COL4A6: variants seen among roughly 807,000 people sequenced by gnomAD.
The protein encoded by COL4A6 is collagen type IV alpha 6 chain, also known as collagen alpha-6(IV) chain.
A neutral mutation model predicts 126.7 loss-of-function variants in COL4A6; 59 were observed. The ratio of observed to expected loss-of-function variants is 0.47; its 90% CI spans 0.38 to 0.58. The LOEUF is 0.58. COL4A6 is among the 20% of genes least tolerant of loss of function. The pLI is 0.00. For missense variants in COL4A6, 1,285 were observed against 1,337.3 expected, an observed-to-expected ratio of 0.96 and a Z score of 0.61; for synonymous variants, 547 against 496.6, an observed-to-expected ratio of 1.10 and a Z score of -1.35.
At chrX:108,304,882 G>A (rs2038584618) in intron 3 of COL4A6, among the ~76,000 whole-genome samples, 1 of 111,921 alleles carries the variant, frequency 8.9e-6, no homozygotes, top group African/African-American at 3.2e-5. Context: ...CCCTCAACAG[G>A]AGACTTCCCA....
chrX:108,312,023 A>G (rs2038774263), intron 2 of COL4A6, among the ~76,000 whole-genome samples: 1 of 112,387 alleles, frequency 8.9e-6, no homozygotes, highest in African/African-American at 3.2e-5. Context: ...AAAAACTGCC[A>G]TTCTGACCAT....
At chrX:108,385,790 C>A (rs2148149762) in intron 2 of COL4A6, among the ~76,000 whole-genome samples, 1 of 111,084 alleles carries the variant, frequency 9.0e-6, no homozygotes, top group Admixed American at 9.5e-5. Flanking sequence ...CATAGGTACA[C>A]ATGTGCCATG....
intron 3 of COL4A6, among the ~76,000 whole-genome samples, chrX:108,284,524 GAAACAAAATA>G (rs1299815999): frequency 1.8e-5 from 2 of 112,131 alleles, no homozygotes; most frequent in African/African-American, 6.5e-5. Context: ...ACAACATACA[GAAACAAAATA>G]AAACAAAACA....
In COL4A6 at chrX:108,276,674, C is replaced by A. The variant is rs186140696; in HGVS notation, c.144+34074G>T. 1.8e-4 allele frequency among the ~76,000 whole-genome samples: 20 copies of A among 111,563 alleles called. No individual in the cohort carries two copies. The East Asian group carries it at 5.7e-3, about 32-fold the overall frequency. The stretch of plus-strand genomic sequence containing the variant: ...TTTGACCTCCTAGAGTAATGCAGAC[C>A]TGAGCACCTGGCTCAGGATAACCAA... On this transcript the variant is annotated intron_variant, in intron 3 of 44. Transcript: ENST00000334504.
intron 2 of COL4A6, among the ~76,000 whole-genome samples, chrX:108,367,894 G>T (rs2040240414): frequency 9.0e-6 from 1 of 111,446 alleles, no homozygotes; most frequent in South Asian, 3.7e-4. Context: ...TTATTCCCTT[G>T]TTATTTGTTG....
At chrX:108,190,996 G>A (rs2035023156) in intron 19 of COL4A6, among the ~76,000 whole-genome samples, 1 of 111,824 alleles carries the variant, frequency 8.9e-6, no homozygotes, top group Non-Finnish European at 1.9e-5. Flanking sequence ...GTCCAGGCTT[G>A]GCTTCTTTTT....
In COL4A6 at chrX:108,195,115, A is replaced by G; in HGVS notation, c.915T>C (p.Gly305=). ...CTGGAGGGCCTTGGACTCCTTCTGA[A>G]CCCATGGGACCCTGTAAAGAAAATA... The part of the protein sequence containing the change: ...PGLPGPRGPM[G]SEGVQGPPGQ... The change falls in exon 15 of 45, where the codon GGT becomes GGC. Residue 305 remains glycine, a synonymous_variant. Transcript: ENST00000334504. 8.3e-7 allele frequency: 1 copy of G among 1,202,990 alleles called. No homozygotes were observed. Among genetic ancestry groups the G allele is most frequent in the African/African-American group, 1.7e-5 (1 of 57,402 alleles).
intron 2 of COL4A6, among the ~76,000 whole-genome samples, chrX:108,399,042 T>A (rs2041029455): frequency 9.0e-6 from 1 of 111,405 alleles, no homozygotes; most frequent in African/African-American, 3.3e-5. Flanking sequence ...TTTTGTAGTA[T>A]GGCCAGTCAA....
chrX:108,408,292 C>T (rs1464737148), intron 2 of COL4A6, among the ~76,000 whole-genome samples: 1 of 109,184 alleles, frequency 9.2e-6, no homozygotes, highest in Non-Finnish European at 1.9e-5. Flanking sequence ...CACTGCACTT[C>T]AGCCTGGGTG....
At chrX:108,348,526 C>T (rs1401161083) in intron 2 of COL4A6, among the ~76,000 whole-genome samples, 1 of 111,607 alleles carries the variant, frequency 9.0e-6, no homozygotes, top group Non-Finnish European at 1.9e-5. Context: ...AATATGTGTT[C>T]TTTGGGTCAT....
At chrX:108,320,679 C>T (rs891145848) in intron 2 of COL4A6, among the ~76,000 whole-genome samples, 1 of 111,998 alleles carries the variant, frequency 8.9e-6, no homozygotes, top group African/African-American at 3.3e-5. Flanking sequence ...CAGTGCAAAA[C>T]AAGACAGTCC....
At chrX:108,352,006 A>T (rs1405153354) in intron 2 of COL4A6, among the ~76,000 whole-genome samples, 1 of 112,445 alleles carries the variant, frequency 8.9e-6, no homozygotes, top group Non-Finnish European at 1.9e-5. Context: ...ATCTTAATAC[A>T]AAACTTCTTT....
chrX:108,209,464 T>G (rs972852241), intron 8 of COL4A6, among the ~76,000 whole-genome samples: 1 of 111,547 alleles, frequency 9.0e-6, no homozygotes, highest in African/African-American at 3.3e-5. Flanking sequence ...AAGAAAGGTT[T>G]TTTTCTTAAG....
intron 2 of COL4A6, among the ~76,000 whole-genome samples, chrX:108,390,713 T>G (rs749425064): frequency 8.1e-5 from 9 of 110,638 alleles, no homozygotes; most frequent in Non-Finnish European, 1.7e-4. Context: ...ATTACCCACC[T>G]TCTGAAGCCT....
chrX:108,271,211 C>T (rs1213069851), intron 3 of COL4A6, among the ~76,000 whole-genome samples: 1 of 111,754 alleles, frequency 8.9e-6, no homozygotes, highest in Non-Finnish European at 1.9e-5. Flanking sequence ...AAAAGCTAAA[C>T]ACAGGAAAAC....
rs2064313050 is a variant in COL4A6, at chrX:108,438,357, A to G, written c.-161T>C. 5.6e-6 allele frequency: 6 copies of G among 1,072,049 alleles called. No homozygotes were observed. The African/African-American group carries it at 9.6e-5, about 17-fold the overall frequency. The allele number at this position is 1,072,049 out of a possible 1,213,427, so 88.3% of individuals were successfully genotyped here. On this transcript the variant is annotated 5_prime_UTR_variant, in exon 1 of 45. Transcript: ENST00000334504. ...GGAAGAAACTAAACACTGCTTCTAG[A>G]TAAGAAGTGCTCCAAAGGGAAACAG...
At chrX:108,325,823 CTA>C (rs1270943784) in intron 2 of COL4A6, among the ~76,000 whole-genome samples, 2 of 107,916 alleles carry the variant, frequency 1.9e-5, no homozygotes, top group East Asian at 5.8e-4. Context: ...AAAAAAAAAA[CTA>C]TGATTATCTC....
At chrX:108,252,318 C>A (rs1202083797) in intron 3 of COL4A6, among the ~76,000 whole-genome samples, 3 of 111,814 alleles carry the variant, frequency 2.7e-5, no homozygotes, top group Non-Finnish European at 5.7e-5. Context: ...GAATTTCATT[C>A]TTTTTTATGG....
At chrX:108,211,815 A>G (rs2035713701) in intron 6 of COL4A6, 75 bp from the exon 7 acceptor site, 2 of 997,410 alleles carry the variant, frequency 2.0e-6, no homozygotes, top group East Asian at 3.1e-5. Context: ...CTGATCAGAT[A>G]GAGGATGGGA....
Sources: allele counts gnomAD v4.1 joint callset (sites outside exome capture counted in the v4.1 genomes callset), GRCh38; gene constraint gnomAD v4.1.1; transcripts MANE v1.5; gene names NCBI Gene and HGNC (gene_info 2026-07-23, HGNC 2026-07-21).